Variants in KARS1 observed in about 807,000 individuals in gnomAD.
The protein encoded by KARS1 is lysyl-tRNA synthetase 1.
In KARS1, 50 loss-of-function variants were observed where a neutral mutation model predicts 63.9. That is an observed-to-expected ratio of 0.78 (90% CI 0.62 to 0.99). The LOEUF (loss-of-function observed/expected upper bound fraction) is 0.99. Among genes scored for constraint, KARS1 ranks in the 50% least tolerant of loss-of-function variants. The pLI, the probability that KARS1 is intolerant of heterozygous loss-of-function variation, is 0.00. For missense variants in KARS1, 816 were observed against 754.5 expected (o/e 1.08, Z -0.95); for synonymous variants, 320 against 264.6 (o/e 1.21, Z -2.03).
rs1427998387 is a variant in KARS1, at chr16:75,628,041, T to C, written c.1696-48A>G. ...TTGAAGCTGAGAAGCACTCTCAACA[T>C]TTTTTCACAGCTATCTACCCATTCC... is the stretch of plus-strand genomic sequence containing the variant. On this transcript the variant is annotated intron_variant, in intron 13 of 13. Transcript: ENST00000302445. 8 of 1,095,448 alleles carry C rather than the reference T, an allele frequency of 7.3e-6. No individual in the cohort carries two copies. In the African/African-American group the frequency reaches 1.1e-4, roughly 15 times the overall value. 67.9% of individuals were successfully genotyped at this position (1,095,448 alleles called of 1,614,324 possible).
chr16:75,631,887 G>A, intron 7 of KARS1, 32 bp from the exon 8 acceptor site: 1 of 1,612,014 alleles, frequency 6.2e-7, no homozygotes, highest in Non-Finnish European at 8.5e-7. Flanking sequence ...GGTCATGACA[G>A]CTAATCTTTT....
In KARS1 at chr16:75,641,530, G is replaced by A. The variant is rs1258746103; in HGVS notation, c.222+34C>T. 4 of 1,602,440 alleles carry A rather than the reference G, an allele frequency of 2.5e-6. No homozygotes were observed. The South Asian group carries it at 4.4e-5, about 18-fold the overall frequency. On this transcript the variant is annotated intron_variant, in intron 2 of 13. Transcript: ENST00000302445. ...CAGAAGCCTCATCAGAAGCTTTCCT[G>A]TGCCCAACCATGCTGGTGGCCCAGG... is the stretch of plus-strand genomic sequence containing the variant.
chr16:75,629,062 T>G lies in KARS1; in HGVS notation c.1552-350A>C, dbSNP rs969737443. ...TGAAAACAGCCCTGTCAACACCTGCTGCAGGCAGCCTGTGGGGGTTCTGTC... is the reference window on the plus strand; with the variant it reads ...TGAAAACAGCCCTGTCAACACCTGCGGCAGGCAGCCTGTGGGGGTTCTGTC... On this transcript the variant is annotated intron_variant, in intron 12 of 13. Transcript: ENST00000302445. The G allele has an allele frequency of 8.6e-6, 4 of 464,600 alleles. No individual in the cohort carries two copies. In the Admixed American group the frequency reaches 1.0e-4, roughly 12 times the overall value. The allele number at this position is 464,600 out of a possible 1,614,324, so 28.8% of individuals were successfully genotyped here. A position where few individuals can be genotyped will look rare whatever the true frequency, so the allele number is the denominator to read the frequency against.
chr16:75,633,252 C>T lies in KARS1; in HGVS notation c.915+921G>A, dbSNP rs1597166752. ...CTCTTGGTGTGCAGGTGATCGGACA[C>T]TCAGCAGGACTGGCAAAACAGAGTA... is the stretch of plus-strand genomic sequence containing the variant. On this transcript the variant is annotated intron_variant, in intron 7 of 13. Transcript: ENST00000302445. Among the ~76,000 whole-genome samples the T allele has an allele frequency of 2.6e-5, 4 of 152,316 alleles. 1 individual carries two copies. The highest frequency in any genetic ancestry group is 2.6e-4 in the Admixed American group (4 of 15,308).
intron 4 of KARS1, 40 bp from the exon 5 acceptor site, chr16:75,636,138 A>C (rs1336734193): frequency 4.8e-6 from 6 of 1,242,224 alleles, no homozygotes. Context: ...CAACAATTCA[A>C]ATGAACACTG....
chr16:75,632,672 T>C (rs1463671928), intron 7 of KARS1, among the ~76,000 whole-genome samples: 3 of 152,218 alleles, frequency 2.0e-5, no homozygotes, highest in Non-Finnish European at 4.4e-5. Flanking sequence ...GGGTTCTCCA[T>C]GAGAACAGCC....
intron 1 of KARS1, among the ~76,000 whole-genome samples, chr16:75,642,017 A>C (rs1236371552): frequency 2.0e-5 from 3 of 152,106 alleles, no homozygotes; most frequent in African/African-American, 7.2e-5. Context: ...AAGATGTACC[A>C]AGACAAAGAA....
rs1297181224 is a variant in KARS1, at chr16:75,628,117, G to T, written c.1696-124C>A. ...ATCCAGAGATTAGTATATTCCAGCT[G>T]AAAAGGCTCATGTGTTCTTTTATTT... On this transcript the variant is annotated intron_variant, in intron 13 of 13. Transcript: ENST00000302445. 3 of 732,966 alleles carry T rather than the reference G, an allele frequency of 4.1e-6. No individual in the cohort carries two copies. In the East Asian group the frequency reaches 7.8e-5, roughly 19 times the overall value. The allele number at this position is 732,966 out of a possible 1,614,324, so 45.4% of individuals were successfully genotyped here. A position where few individuals can be genotyped will look rare whatever the true frequency, so the allele number is the denominator to read the frequency against.
chr16:75,631,710 G>A lies in KARS1; in HGVS notation c.1061C>T (p.Thr354Met), dbSNP rs1456794040. 5.6e-6 allele frequency: 9 copies of A among 1,614,158 alleles called. No individual in the cohort carries two copies. The highest frequency in any genetic ancestry group is 6.8e-6 in the Non-Finnish European group (8 of 1,180,012). ...YADYHDLMEI[T>M]EKMVSGMVKH... ...GGAGTCACCTGAAACCATCTTCTCC[G>A]TGATTTCCATGAGATCGTGATAGTC... The change falls in exon 8 of 14, where the codon ACG becomes ATG. Residue 354 changes from threonine to methionine, a missense_variant. By Grantham distance (81) the Thr-to-Met change is moderately conservative. Coordinates refer to ENST00000302445, the MANE Select transcript of KARS1 (RefSeq NM_005548.3).
chr16:75,644,281 A>C (rs2082256257), intron 1 of KARS1: 1 of 1,596,522 alleles, frequency 6.3e-7, no homozygotes, highest in Non-Finnish European at 8.5e-7. Flanking sequence ...ATGGGCACCA[A>C]CCTTCTTTGA....
Position 75,641,720 on chromosome 16 carries a change from C to T in KARS1, c.66G>A (p.Glu22=), listed in dbSNP as rs138480583. Residue 22 remains glutamate (E), a synonymous_variant, in exon 2 of 14, where the codon GAG becomes GAA. Coordinates refer to ENST00000302445, the MANE Select transcript of KARS1 (RefSeq NM_005548.3). ...TCTCAGCTTTCAGGCGTCTCTTCAG[C>T]TCACTGTTGGAAAGATGAAAGCGTT... The part of the protein sequence containing the change: ...DGSEPKLSKN[E]LKRRLKAEKK... 22 of 1,613,774 alleles carry T rather than the reference C, an allele frequency of 1.4e-5. No individual in the cohort carries two copies. Among genetic ancestry groups the T allele is most frequent in the African/African-American group, 2.7e-5 (2 of 75,054 alleles).
intron 4 of KARS1, 119 bp downstream of exon 4, chr16:75,636,335 C>T (rs2082161401): frequency 2.4e-6 from 2 of 835,172 alleles, no homozygotes; most frequent in Admixed American, 3.4e-5. Context: ...CTCAGCCTTC[C>T]CCAACCATGT....
chr16:75,646,218 T>C (rs1348242279), intron 1 of KARS1, among the ~76,000 whole-genome samples: 1 of 152,166 alleles, frequency 6.6e-6, no homozygotes, highest in African/African-American at 2.4e-5. Context: ...TCTAAGATAT[T>C]TGAAGCACAA....
chr16:75,644,226 C>G, intron 1 of KARS1: 1 of 1,496,710 alleles, frequency 6.7e-7, no homozygotes, highest in African/African-American at 1.4e-5. Flanking sequence ...GGAAAATGAA[C>G]CAAGTAAGGA....
rs376904752 is a variant in KARS1 at position 75,635,658 on chromosome 16, T to G, written c.795+22A>C. Reference sequence around the variant, plus strand: ...AAGCATTGCAAGGCAGCTCATCACGTCAGGCAAGGAACTCTCCTTACCTCT... The same window carrying G: ...AAGCATTGCAAGGCAGCTCATCACGGCAGGCAAGGAACTCTCCTTACCTCT... On this transcript the variant is annotated intron_variant, in intron 6 of 13. Transcript: ENST00000302445. 125 of 1,612,966 alleles carry G rather than the reference T, an allele frequency of 7.7e-5. 1 individual carries two copies. The highest frequency in any genetic ancestry group is 1.0e-4 in the Non-Finnish European group (123 of 1,179,764).
rs2082068178 is a variant in KARS1 at position 75,627,883 on chromosome 16, AATT to A, written c.*9_*11del. On this transcript the variant is annotated 3_prime_UTR_variant, in exon 14 of 14. Coordinates refer to ENST00000302445, the MANE Select transcript of KARS1 (RefSeq NM_005548.3). ...AAGACGCCTGAGTTATACAACTTGC[AATT>A]ATTATTTTCTAGACAGAAGTGCCAA... 6.9e-7 allele frequency: 1 copy of A among 1,448,566 alleles called. No homozygotes were observed. The allele number at this position is 1,448,566 out of a possible 1,614,324, so 89.7% of individuals were successfully genotyped here.
chr16:75,632,155 G>T (rs2082121639), intron 7 of KARS1, among the ~76,000 whole-genome samples: 1 of 152,166 alleles, frequency 6.6e-6, no homozygotes, highest in African/African-American at 2.4e-5. Context: ...CTCCCAAAGT[G>T]CTGGGATTAC....
rs779257362 is a variant in KARS1, at chr16:75,631,204, G to A, written c.1302C>T (p.Cys434=). ...DDICVAKAVE[C]PPPRTTARLL... ...GCCTGGCTGTGGTCCGAGGTGGAGG[G>A]CATTCAACAGCTTTTGCCACACAGA... The change falls in exon 10 of 14, where the codon TGC becomes TGT. Residue 434 remains cysteine (C), a synonymous_variant. Coordinates refer to ENST00000302445, the MANE Select transcript of KARS1 (RefSeq NM_005548.3). 3 of 1,614,010 alleles carry A rather than the reference G, an allele frequency of 1.9e-6. No homozygotes were observed. The highest frequency in any genetic ancestry group is 2.2e-5 in the East Asian group (1 of 44,876).
At chr16:75,641,800 A>G in intron 1 of KARS1, 77 bp from the exon 2 acceptor site, 1 of 1,485,988 alleles carries the variant, frequency 6.7e-7, no homozygotes, top group Non-Finnish European at 9.3e-7. Context: ...CAACTTATCA[A>G]AAACATGAAT....
Sources: gnomAD v4.1 joint callset for allele counts (sites outside exome capture counted in the v4.1 genomes callset) on GRCh38, gnomAD v4.1.1 for gene constraint, MANE v1.5 for transcripts, NCBI Gene and HGNC (gene_info 2026-07-23, HGNC 2026-07-21) for gene names.